Variants in SPATA19 observed in about 807,000 individuals in gnomAD.
The protein encoded by SPATA19 is spermatogenesis-associated protein 19, mitochondrial.
Under a neutral mutation model 25.0 loss-of-function variants are expected in SPATA19, and 19 were observed. The observed-to-expected ratio is 0.76, with a 90% CI of 0.53 to 1.11. The LOEUF (loss-of-function observed/expected upper bound fraction) is 1.11, where lower values mean the gene tolerates loss of function less well. Ranked by LOEUF, SPATA19 falls within the 50% of genes most tolerant of loss-of-function variation. SPATA19 has a pLI of 0.00. For synonymous variants in SPATA19, 64 were observed against 69.3 expected (o/e 0.92, Z 0.38); for missense variants, 222 against 211.4 (o/e 1.05, Z -0.31).
In SPATA19 at chr11:133,844,496, A is replaced by G. The variant is rs371680773; in HGVS notation, c.267+13T>C. On this transcript the variant is annotated intron_variant, in intron 3 of 6. Transcript: ENST00000299140. Reference sequence around the variant, plus strand: ...ACCGCTACTCCCAGGCAAGGTCTCAAACTCTCATTTACCACATCTCTGGTC... The same window carrying G: ...ACCGCTACTCCCAGGCAAGGTCTCAGACTCTCATTTACCACATCTCTGGTC... The G allele has an allele frequency of 3.1e-6, 5 of 1,613,870 alleles. No individual in the cohort carries two copies. The highest frequency in any genetic ancestry group is 2.5e-6 in the Non-Finnish European group (3 of 1,179,992).
At chr11:133,839,459 C>A (rs1938265874), downstream of SPATA19, among the ~76,000 whole-genome samples, 3 of 149,544 alleles carry the variant, frequency 2.0e-5, no homozygotes. Flanking sequence ...CATGTCCTCA[C>A]TCATAGGTGG....
At chr11:133,836,149 C>A (rs1203363344), downstream of SPATA19, among the ~76,000 whole-genome samples, 1 of 152,212 alleles carries the variant, frequency 6.6e-6, no homozygotes, top group Non-Finnish European at 1.5e-5. Flanking sequence ...CCCTCTCTCC[C>A]ATCTAGCCAG....
In SPATA19 at chr11:133,845,367, A is replaced by C; in HGVS notation, c.78+2T>G. 1 of 1,608,678 alleles carries C rather than the reference A, an allele frequency of 6.2e-7. No individual in the cohort carries two copies. Among genetic ancestry groups the C allele is most frequent in the Non-Finnish European group, 8.5e-7 (1 of 1,175,136 alleles). ...CCATGTGACTACCACCAAGCTGCTT[A>C]CCGAACTGGTTATTGGTAGGAAGGG... On this transcript the variant is annotated splice_donor_variant, in intron 1 of 6. Coordinates refer to ENST00000299140, the MANE Select transcript of SPATA19 (RefSeq NM_174927.3). LOFTEE classifies it high-confidence loss of function.
At chr11:133,837,025 T>G (rs895674523), downstream of SPATA19, among the ~76,000 whole-genome samples, 5 of 152,302 alleles carry the variant, frequency 3.3e-5, no homozygotes, top group South Asian at 1.0e-3. Context: ...TTTCAAGTCC[T>G]TGGATAGGAC....
chr11:133,836,765 C>T (rs920333447), downstream of SPATA19, among the ~76,000 whole-genome samples: 7 of 152,140 alleles, frequency 4.6e-5, no homozygotes, highest in Non-Finnish European at 7.3e-5. Flanking sequence ...ATTCATCTGC[C>T]TCATCAAAAT....
chr11:133,844,705 C>T (rs751388286), intron 2 of SPATA19, 65 bp from the exon 3 acceptor site: 5 of 1,515,514 alleles, frequency 3.3e-6, no homozygotes, highest in Non-Finnish European at 4.4e-6. Context: ...TTCTTCTCCT[C>T]TTCCTTTCCT....
downstream of SPATA19, among the ~76,000 whole-genome samples, chr11:133,839,586 C>T (rs551356390): frequency 7.9e-5 from 12 of 151,872 alleles, no homozygotes; most frequent in South Asian, 2.1e-3. Flanking sequence ...TGTTAAATGA[C>T]GAGTTAATGG....
downstream of SPATA19, among the ~76,000 whole-genome samples, chr11:133,839,694 T>A (rs1006164970): frequency 2.6e-5 from 4 of 151,244 alleles, no homozygotes; most frequent in African/African-American, 9.7e-5. Context: ...AATTAAAAAA[T>A]TTAAAAAAAA....
downstream of SPATA19, among the ~76,000 whole-genome samples, chr11:133,839,984 T>C (rs1938274775): frequency 6.6e-6 from 1 of 151,860 alleles, no homozygotes; most frequent in Non-Finnish European, 1.5e-5. Flanking sequence ...ATAATAATAA[T>C]AACAATAATA....
downstream of SPATA19, among the ~76,000 whole-genome samples, chr11:133,839,791 G>A (rs1211164380): frequency 6.6e-6 from 1 of 151,902 alleles, no homozygotes; most frequent in Non-Finnish European, 1.5e-5. Context: ...AAAAACTGTG[G>A]GACAATCTCA....
In SPATA19 at chr11:133,845,372, A is replaced by G. The variant is rs2121189967; in HGVS notation, c.75T>C (p.Ser25=). ...GVGLPFLPIT[S]SDIDVVESEA... is the part of the protein sequence containing the mutation. Reference sequence around the variant, plus strand: ...TGACTACCACCAAGCTGCTTACCGAACTGGTTATTGGTAGGAAGGGAAGCC... The same window carrying G: ...TGACTACCACCAAGCTGCTTACCGAGCTGGTTATTGGTAGGAAGGGAAGCC... The change falls in exon 1 of 7, where the codon AGT becomes AGC. Residue 25 remains serine (S), a synonymous_variant. Coordinates refer to ENST00000299140, the MANE Select transcript of SPATA19 (RefSeq NM_174927.3). 1.2e-6 allele frequency: 2 copies of G among 1,610,816 alleles called. No homozygotes were observed. Among genetic ancestry groups the G allele is most frequent in the East Asian group, 4.5e-5 (2 of 44,870 alleles).
chr11:133,844,225 A>G (rs1202842987), intron 4 of SPATA19, 21 bp downstream of exon 4: 1 of 1,607,574 alleles, frequency 6.2e-7, no homozygotes, highest in Non-Finnish European at 8.5e-7. Context: ...TCCTTCGCCC[A>G]GGGCAAGTGG....
downstream of SPATA19, among the ~76,000 whole-genome samples, chr11:133,836,714 G>A (rs1018573205): frequency 5.9e-5 from 9 of 152,312 alleles, no homozygotes; most frequent in East Asian, 1.7e-3. Context: ...CTTTCAAGTA[G>A]TTATGAAAAT....
rs764746821 is a variant in SPATA19, at chr11:133,845,087, T to C, written c.135+47A>G. The C allele has an allele frequency of 1.9e-6, 3 of 1,555,440 alleles. No homozygotes were observed. The East Asian group carries it at 6.7e-5, about 35-fold the overall frequency. On this transcript the variant is annotated intron_variant, in intron 2 of 6. Coordinates refer to ENST00000299140, the MANE Select transcript of SPATA19 (RefSeq NM_174927.3). ...AGATCCCCACACCCACTGAGACCAC[T>C]TCTCTAGCATTTTGGATATCCTGAG...
chr11:133,837,645 C>T (rs76566565), downstream of SPATA19, among the ~76,000 whole-genome samples: 86 of 152,322 alleles, frequency 5.6e-4, no homozygotes, highest in African/African-American at 2.0e-3. Context: ...CCCCTCTAGC[C>T]TTCCTGTCTT....
chr11:133,841,130 G>A (rs1457022587), intron 6 of SPATA19, among the ~76,000 whole-genome samples: 1 of 152,136 alleles, frequency 6.6e-6, no homozygotes, highest in African/African-American at 2.4e-5. Flanking sequence ...ACCCTCCAAA[G>A]TAGATACTCT....
At position 133,845,131 on chromosome 11, in the gene SPATA19, C is replaced by T; in HGVS notation, c.135+3G>A. 6.2e-7 allele frequency: 1 copy of T among 1,613,416 alleles called. No homozygotes were observed. Among genetic ancestry groups the T allele is most frequent in the Non-Finnish European group, 8.5e-7 (1 of 1,179,550 alleles). On this transcript the variant is annotated splice_donor_region_variant and intron_variant, in intron 2 of 6. Transcript: ENST00000299140. ...TCCTGAGTCATAAAGAAATCTTACT[C>T]ACTTTTTTCAACCAATGATGTAGTA...
downstream of SPATA19, among the ~76,000 whole-genome samples, chr11:133,837,449 A>G (rs1938233769): frequency 6.6e-6 from 1 of 152,228 alleles, no homozygotes; most frequent in African/African-American, 2.4e-5. Context: ...GGATCCCCAC[A>G]CTTTCATGAG....
chr11:133,845,186 A>G lies in SPATA19; in HGVS notation c.83T>C (p.Ile28Thr), dbSNP rs1938394136. ...CACAGCCTCACTTTCCACAACGTCA[A>G]TGTCCTGGAACAAATTGGCAAGTTG... ...LPFLPITSSDIDVVESEAVSV... is the reference protein window; with the variant it reads ...LPFLPITSSDTDVVESEAVSV... The change falls in exon 2 of 7, where the codon ATT becomes ACT. Residue 28 changes from isoleucine (I) to threonine (T), a missense_variant. Coordinates refer to ENST00000299140, the MANE Select transcript of SPATA19 (RefSeq NM_174927.3). 3 of 1,613,996 alleles carry G rather than the reference A, an allele frequency of 1.9e-6. No homozygotes were observed. Among genetic ancestry groups the G allele is most frequent in the African/African-American group, 1.3e-5 (1 of 74,908 alleles).
Sources: gnomAD v4.1 joint callset for allele counts (sites outside exome capture counted in the v4.1 genomes callset) on GRCh38, gnomAD v4.1.1 for gene constraint, MANE v1.5 for transcripts, NCBI Gene and HGNC (gene_info 2026-07-23, HGNC 2026-07-21) for gene names.